The following ANK3 variants were observed in gnomAD, a reference collection of about 807,000 sequenced individuals.
ANK3 encodes ankyrin-3.
In ANK3, 57 loss-of-function variants were observed where a neutral mutation model predicts 370.9. That is an observed-to-expected ratio of 0.15 (90% confidence interval 0.12 to 0.19). The LOEUF (loss-of-function observed/expected upper bound fraction) is 0.19, where lower values mean the gene tolerates loss of function less well. Ranked by LOEUF, ANK3 falls within the 10% of genes least tolerant of loss-of-function variation. The pLI is 1.00. For synonymous variants in ANK3, 1,929 were observed against 1,946.3 expected (o/e 0.99, Z 0.23); for missense variants, 4,439 against 5,302.1 (o/e 0.84, Z 5.06).
intron 25 of ANK3, among the ~76,000 whole-genome samples, chr10:60,119,237 A>C (rs2093316482): frequency 6.6e-6 from 1 of 152,236 alleles, no homozygotes; most frequent in Non-Finnish European, 1.5e-5. Flanking sequence ...TAAATATAAA[A>C]TGAAGCAATT....
chr10:60,547,367 A>G (rs2076988774), intron 2 of ANK3, among the ~76,000 whole-genome samples: 1 of 151,970 alleles, frequency 6.6e-6, no homozygotes, highest in South Asian at 2.1e-4. Flanking sequence ...CTGGGATTAC[A>G]GGCGTGAGCC....
At chr10:60,149,219 C>A (rs1252598162) in intron 23 of ANK3, among the ~76,000 whole-genome samples, 1 of 152,196 alleles carries the variant, frequency 6.6e-6, no homozygotes, top group African/African-American at 2.4e-5. Flanking sequence ...TTCTGACTCA[C>A]CCCTCCCCAT....
At chr10:60,611,321 C>T (rs10994429) in intron 2 of ANK3, among the ~76,000 whole-genome samples, 18,608 of 152,120 alleles carry the variant, frequency 0.12, 1,592 homozygotes, top group East Asian at 0.27. Context: ...CCTGGCCGCC[C>T]GCTGGCTCAG....
At chr10:60,697,960 AAC>A (rs1238818100) in intron 1 of ANK3, among the ~76,000 whole-genome samples, 2 of 152,118 alleles carry the variant, frequency 1.3e-5, no homozygotes, top group African/African-American at 4.8e-5. Context: ...CATCAGAGTG[AAC>A]AGGCAGCCTA....
intron 1 of ANK3, among the ~76,000 whole-genome samples, chr10:60,696,534 C>T (rs1208580513): frequency 1.3e-5 from 2 of 151,314 alleles, no homozygotes; most frequent in African/African-American, 2.4e-5. Flanking sequence ...TCCAGCAGTA[C>T]ATCAAAAAGC....
At chr10:60,157,785 A>T (rs944263536) in intron 23 of ANK3, among the ~76,000 whole-genome samples, 1 of 151,924 alleles carries the variant, frequency 6.6e-6, no homozygotes, top group Non-Finnish European at 1.5e-5. Flanking sequence ...AAAAATAAAA[A>T]GGAATGATGC....
chr10:60,437,066 C>G (rs1193619234), intron 2 of ANK3, among the ~76,000 whole-genome samples: 1 of 152,178 alleles, frequency 6.6e-6, no homozygotes, highest in Admixed American at 6.5e-5. Flanking sequence ...CTCCTCTTAA[C>G]CAAGCCTCTG....
chr10:60,467,377 G>C (rs1316834199), intron 2 of ANK3, among the ~76,000 whole-genome samples: 49 of 152,034 alleles, frequency 3.2e-4, no homozygotes. Flanking sequence ...ATTTCATTTT[G>C]ATAATAAAAT....
At chr10:60,695,069 GAAAACAAA>G (rs1456275742) in intron 1 of ANK3, among the ~76,000 whole-genome samples, 159 of 146,894 alleles carry the variant, frequency 1.1e-3, no homozygotes, top group African/African-American at 3.7e-3. Flanking sequence ...CAAGCAAATG[GAAAACAAA>G]AAAAGGCAGG....
chr10:60,601,298 T>C (rs1482745819), intron 2 of ANK3, among the ~76,000 whole-genome samples: 1 of 149,526 alleles, frequency 6.7e-6, no homozygotes. Context: ...ACAAAAAAAG[T>C]AGAGTATGGA....
chr10:60,053,764 G>A, intron 42 of ANK3: 1 of 1,301,600 alleles, frequency 7.7e-7, no homozygotes, highest in Non-Finnish European at 1.0e-6. Context: ...GCTGTTTTCT[G>A]AGATCATACA....
chr10:60,027,739 G>T lies in ANK3; in HGVS notation c.*2107C>A. On this transcript the variant is annotated 3_prime_UTR_variant, in exon 44 of 44. Transcript: ENST00000280772. ...ATCACTACTACCATATGCTAAGCTG[G>T]TAACTAGAATAAAAGTTAAAACAGC... is the stretch of plus-strand genomic sequence containing the variant. The T allele has an allele frequency of 6.6e-6, 1 of 152,194 alleles. No individual in the cohort carries two copies. The highest frequency in any genetic ancestry group is 1.9e-4 in the East Asian group (1 of 5,198). 9.4% of individuals were successfully genotyped at this position (152,194 alleles called of 1,614,324 possible). A position where few individuals can be genotyped will look rare whatever the true frequency, so the allele number is the denominator to read the frequency against.
At chr10:60,297,430 A>G (rs1280617302) in intron 1 of ANK3, among the ~76,000 whole-genome samples, 3 of 152,198 alleles carry the variant, frequency 2.0e-5, no homozygotes, top group Non-Finnish European at 2.9e-5. Flanking sequence ...GTAACTATGA[A>G]TATTTCCCTG....
intron 1 of ANK3, among the ~76,000 whole-genome samples, chr10:60,328,718 C>A (rs2050486507): frequency 6.6e-6 from 1 of 152,132 alleles, no homozygotes; most frequent in Non-Finnish European, 1.5e-5. Flanking sequence ...GGAATTGGTA[C>A]CATTCCTTCT....
intron 1 of ANK3, among the ~76,000 whole-genome samples, chr10:60,295,128 T>C (rs913041470): frequency 1.3e-5 from 2 of 152,162 alleles, no homozygotes; most frequent in African/African-American, 2.4e-5. Context: ...CTATGTGATA[T>C]GTGTTTTCTA....
intron 1 of ANK3, among the ~76,000 whole-genome samples, chr10:60,666,406 A>G (rs931937180): frequency 3.3e-5 from 5 of 152,182 alleles, no homozygotes; most frequent in African/African-American, 1.2e-4. Flanking sequence ...GGGAGGGGGA[A>G]TAGGGAAATG....
At chr10:60,720,481 G>A (rs923478291) in intron 1 of ANK3, among the ~76,000 whole-genome samples, 6 of 152,132 alleles carry the variant, frequency 3.9e-5, no homozygotes, top group Non-Finnish European at 7.4e-5. Context: ...TTAGGTTGGC[G>A]CAAAAGTAAT....
Position 60,490,980 on chromosome 10 carries a change from A to G in ANK3, c.96+124206T>C, listed in dbSNP as rs887209811. On this transcript the variant is annotated intron_variant, in intron 2 of 43. Coordinates refer to the ANK3 transcript ENST00000373827. ...GGCCACCACTGATCTGATTTATAGA[A>G]CTAAGATTAACTTTGCCTGTACTGC... Among the ~76,000 whole-genome samples, 3 of 152,206 alleles carry G rather than the reference A, an allele frequency of 2.0e-5. No individual in the cohort carries two copies. The East Asian group carries it at 5.8e-4, about 29-fold the overall frequency.
intron 2 of ANK3, among the ~76,000 whole-genome samples, chr10:60,483,695 C>T (rs567230448): frequency 2.6e-5 from 4 of 152,194 alleles, no homozygotes; most frequent in Admixed American, 2.6e-4. Context: ...ATTTCGAAGC[C>T]TGAATGTTTT....
Sources: gnomAD v4.1 joint callset for allele counts (sites outside exome capture counted in the v4.1 genomes callset) on GRCh38, gnomAD v4.1.1 for gene constraint, MANE v1.5 for transcripts, NCBI Gene and HGNC (gene_info 2026-07-23, HGNC 2026-07-21) for gene names.